MAGI1: variants seen among roughly 807,000 people sequenced by gnomAD.
The protein encoded by MAGI1 is membrane-associated guanylate kinase, WW and PDZ domain-containing protein 1.
MAGI1 carries 58 observed loss-of-function variants against 139.9 expected under a neutral mutation model. The observed-to-expected ratio is 0.41, with a 90% CI of 0.34 to 0.52. The LOEUF (loss-of-function observed/expected upper bound fraction) is 0.52, where lower values mean the gene tolerates loss of function less well. MAGI1 is among the 20% of genes least tolerant of loss of function. The pLI is 0.12. For missense variants in MAGI1, 1,874 were observed against 1,901.6 expected, an observed-to-expected ratio of 0.99 and a Z score of 0.27; for synonymous variants, 812 against 737.9, an observed-to-expected ratio of 1.10 and a Z score of -1.63.
intron 1 of MAGI1, among the ~76,000 whole-genome samples, chr3:65,868,158 C>T (rs1219816416): frequency 1.3e-5 from 2 of 152,154 alleles, no homozygotes; most frequent in East Asian, 1.9e-4. Context: ...GTTCCAGTTA[C>T]CTTTAAGAAA....
At chr3:65,624,120 G>C (rs955144730) in intron 1 of MAGI1, among the ~76,000 whole-genome samples, 3 of 152,130 alleles carry the variant, frequency 2.0e-5, no homozygotes, top group African/African-American at 7.2e-5. Flanking sequence ...AAGACTGAAA[G>C]TATCAAGTGT....
Position 65,429,623 on chromosome 3 carries a change from T to C in MAGI1, c.2064A>G (p.Glu688=), listed in dbSNP as rs780235099. 34 of 1,613,874 alleles carry C rather than the reference T, an allele frequency of 2.1e-5. No individual in the cohort carries two copies. In the Admixed American group the frequency reaches 4.0e-4, roughly 19 times the overall value. Residue 688 remains glutamate (E), a synonymous_variant, in exon 12 of 23, where the codon GAA becomes GAG. Coordinates refer to ENST00000402939, the MANE Select transcript of MAGI1 (RefSeq NM_001033057.2). ...GGGCCTGCACGTTCTTCTTATTAAC[T>C]TCCACTATGAGATCCCCTTCTTTCA... ...RGLKEGDLIV[E]VNKKNVQALT... is the part of the protein sequence containing the mutation.
chr3:65,550,319 C>T (rs1050653573), intron 2 of MAGI1, among the ~76,000 whole-genome samples: 2 of 152,084 alleles, frequency 1.3e-5, no homozygotes, highest in African/African-American at 4.8e-5. Flanking sequence ...GGAGCAATGC[C>T]CCAGGTCAGT....
chr3:65,429,397 A>C, intron 12 of MAGI1, 123 bp downstream of exon 12: 1 of 1,027,700 alleles, frequency 9.7e-7, no homozygotes, highest in South Asian at 1.7e-5. Context: ...TGGAGAAATC[A>C]GTAGGCATTT....
At chr3:65,715,346 T>A (rs566547588) in intron 1 of MAGI1, among the ~76,000 whole-genome samples, 2 of 152,320 alleles carry the variant, frequency 1.3e-5, no homozygotes, top group African/African-American at 4.8e-5. Context: ...TCTCTCCAGG[T>A]CAGGATTTTG....
intron 1 of MAGI1, among the ~76,000 whole-genome samples, chr3:65,628,845 G>A (rs2084126905): frequency 1.3e-5 from 2 of 152,248 alleles, no homozygotes; most frequent in South Asian, 4.2e-4. Flanking sequence ...AACTGAGAGT[G>A]AGCATTCTAT....
chr3:65,885,476 C>CA (rs916843324), intron 1 of MAGI1, among the ~76,000 whole-genome samples: 7 of 152,062 alleles, frequency 4.6e-5, no homozygotes, highest in African/African-American at 1.7e-4. Flanking sequence ...AAACAAAACT[C>CA]AGAGTGTGTG....
intron 3 of MAGI1, among the ~76,000 whole-genome samples, chr3:65,490,944 A>G (rs868324952): frequency 1.7e-4 from 26 of 152,078 alleles, no homozygotes; most frequent in Non-Finnish European, 3.2e-4. Context: ...CGCTGTACAA[A>G]TGGGTTAGAA....
chr3:65,812,627 C>T (rs1454854500), intron 1 of MAGI1, among the ~76,000 whole-genome samples: 3 of 147,862 alleles, frequency 2.0e-5, no homozygotes, highest in Non-Finnish European at 3.0e-5. Context: ...AGCAATGATA[C>T]ATTCTATGTT....
intron 2 of MAGI1, among the ~76,000 whole-genome samples, chr3:65,559,328 G>C (rs1468843784): frequency 6.6e-6 from 1 of 152,142 alleles, no homozygotes; most frequent in Non-Finnish European, 1.5e-5. Flanking sequence ...GGGTCATGAA[G>C]AAGAAGGAGG....
At chr3:65,803,003 G>A (rs1378286554) in intron 1 of MAGI1, among the ~76,000 whole-genome samples, 1 of 152,094 alleles carries the variant, frequency 6.6e-6, no homozygotes, top group Non-Finnish European at 1.5e-5. Context: ...GATGAAGAGA[G>A]AGAGAGGACA....
chr3:65,475,805 T>C (rs1489168210), intron 4 of MAGI1, among the ~76,000 whole-genome samples: 2 of 151,986 alleles, frequency 1.3e-5, no homozygotes, highest in Non-Finnish European at 2.9e-5. Context: ...TCCCAGATGC[T>C]TCTGGCCAAT....
intron 1 of MAGI1, among the ~76,000 whole-genome samples, chr3:66,010,740 C>T (rs1027638454): frequency 6.6e-6 from 1 of 152,120 alleles, no homozygotes. Context: ...GTCCCATAAC[C>T]CCTACATGAA....
intron 1 of MAGI1, among the ~76,000 whole-genome samples, chr3:65,805,157 T>C (rs1394804070): frequency 1.3e-5 from 2 of 152,094 alleles, no homozygotes; most frequent in African/African-American, 4.8e-5. Context: ...AGACAACCTG[T>C]GGAATGGGAG....
chr3:65,359,117 T>G, intron 22 of MAGI1: 1 of 1,614,116 alleles, frequency 6.2e-7, no homozygotes, highest in Non-Finnish European at 8.5e-7. Flanking sequence ...AGCTTTTCAT[T>G]TCTCATACAT....
At chr3:65,382,774 C>T (rs915320112) in intron 15 of MAGI1, among the ~76,000 whole-genome samples, 6 of 152,138 alleles carry the variant, frequency 3.9e-5, no homozygotes, top group Admixed American at 1.3e-4. Context: ...GGTAGCTCTG[C>T]GATCTTGGGC....
intron 18 of MAGI1, chr3:65,365,213 C>G: frequency 1.6e-6 from 1 of 644,930 alleles, no homozygotes; most frequent in Non-Finnish European, 2.9e-6. Context: ...AAACACTGCT[C>G]TAAAATTCTA....
In MAGI1 at chr3:65,440,847, ATATG is replaced by A. The variant is rs1948254575; in HGVS notation, c.1137-839_1137-836del. On this transcript the variant is annotated intron_variant, in intron 8 of 22. Coordinates refer to ENST00000402939, the MANE Select transcript of MAGI1 (RefSeq NM_001033057.2). ...TACATGTATACATATACATATATAC[ATATG>A]TATACATATATATGTATACACATAT... Among the ~76,000 whole-genome samples the A allele has an allele frequency of 3.4e-4, 11 of 32,584 alleles. 1 individual carries two copies. In the South Asian group the frequency reaches 6.1e-3, roughly 18 times the overall value. 21.4% of individuals were successfully genotyped at this position (32,584 alleles called of 152,430 possible). A position where few individuals can be genotyped will look rare whatever the true frequency, so the allele number is the denominator to read the frequency against.
chr3:65,679,697 A>C (rs1355921331), intron 1 of MAGI1, among the ~76,000 whole-genome samples: 1 of 152,212 alleles, frequency 6.6e-6, no homozygotes, highest in African/African-American at 2.4e-5. Context: ...CCTGTGACTC[A>C]AGGCCCACGA....
Sources: allele counts gnomAD v4.1 joint callset (sites outside exome capture counted in the v4.1 genomes callset), GRCh38; gene constraint gnomAD v4.1.1; transcripts MANE v1.5; gene names NCBI Gene and HGNC (gene_info 2026-07-23, HGNC 2026-07-21).